CPAP: variants seen among roughly 807,000 people sequenced by gnomAD.
CPAP encodes centrosomal P4.1-associated protein.
At chr13:24,899,013 G>C in the CPAP span, among the ~76,000 whole-genome samples, 1 of 152,092 alleles carries the variant, frequency 6.6e-6, no homozygotes, top group Non-Finnish European at 1.5e-5. Flanking sequence ...CTGATAATCT[G>C]GCCTATCAGT....
At chr13:24,884,497 T>C in the CPAP span, 1 of 1,612,402 alleles carries the variant, frequency 6.2e-7, no homozygotes, top group East Asian at 2.2e-5. Context: ...CACCTAAGAT[T>C]TTCTCCTGAC....
chr13:24,904,464 T>C, the CPAP span, among the ~76,000 whole-genome samples: 1 of 152,236 alleles, frequency 6.6e-6, no homozygotes, highest in Non-Finnish European at 1.5e-5. Flanking sequence ...TTTCCCTTTA[T>C]CAAATTTGCT....
the CPAP span, among the ~76,000 whole-genome samples, chr13:24,931,306 C>CTTGTTTTTTTTTTTTT: frequency 1.4e-5 from 1 of 72,646 alleles, no homozygotes; most frequent in African/African-American, 6.6e-5. Context: ...TTTCATGTTT[C>CTTGTTTTTTTTTTTTT]TTTTTTTTTT....
At chr13:24,906,806 G>C in the CPAP span, 4 of 1,614,148 alleles carry the variant, frequency 2.5e-6, no homozygotes, top group Non-Finnish European at 2.5e-6. Flanking sequence ...TTTAAACAGC[G>C]GCTGGTCCTC....
the CPAP span, among the ~76,000 whole-genome samples, chr13:24,893,852 C>A: frequency 3.3e-5 from 5 of 152,192 alleles, no homozygotes; most frequent in Admixed American, 1.3e-4. Context: ...CTGTCACAGG[C>A]CCTTATTATA....
chr13:24,914,646 A>G, the CPAP span, among the ~76,000 whole-genome samples: 21 of 152,218 alleles, frequency 1.4e-4, no homozygotes, highest in African/African-American at 4.3e-4. Context: ...CCTTTTCTAG[A>G]CCATAAAAAG....
At chr13:24,884,369 G>GTGAC in the CPAP span, 1 of 1,614,148 alleles carries the variant, frequency 6.2e-7, no homozygotes, top group Admixed American at 1.7e-5. Flanking sequence ...ATTAAAGAAA[G>GTGAC]TGACAGTGAT....
chr13:24,898,973 T>C, the CPAP span, among the ~76,000 whole-genome samples: 1 of 152,274 alleles, frequency 6.6e-6, no homozygotes, highest in South Asian at 2.1e-4. Flanking sequence ...AGTTTTAGCA[T>C]GTCCACTTCT....
chr13:24,924,726 A>C, the CPAP span: 1 of 152,232 alleles, frequency 6.6e-6, no homozygotes, highest in African/African-American at 2.4e-5. Context: ...ACAATTCTTT[A>C]TGCCATCATA....
At chr13:24,914,460 C>T in the CPAP span, among the ~76,000 whole-genome samples, 3 of 152,146 alleles carry the variant, frequency 2.0e-5, no homozygotes, top group African/African-American at 7.2e-5. Context: ...AACATCCGAG[C>T]CCCAAAACAC....
At chr13:24,909,756 A>G in the CPAP span, 3 of 1,580,626 alleles carry the variant, frequency 1.9e-6, no homozygotes, top group Non-Finnish European at 2.6e-6. Context: ...TAGTAACACT[A>G]TAAGCACAGA....
chr13:24,912,149 C>T, the CPAP span: 503,571 of 1,319,034 alleles, frequency 0.38, 98,108 homozygotes, highest in Admixed American at 0.45. Flanking sequence ...TTCCTCCCAT[C>T]TCCCTCCTCC....
chr13:24,893,952 C>T, the CPAP span, among the ~76,000 whole-genome samples: 1 of 151,408 alleles, frequency 6.6e-6, no homozygotes. Flanking sequence ...GAGGGGGTGA[C>T]GGGAGAGTGG....
At chr13:24,920,069 G>C in the CPAP span, among the ~76,000 whole-genome samples, 1 of 152,180 alleles carries the variant, frequency 6.6e-6, no homozygotes, top group African/African-American at 2.4e-5. Context: ...ACTGCGCCCA[G>C]CCTAAAAATC....
At chr13:24,892,709 C>T in the CPAP span, 2 of 1,614,040 alleles carry the variant, frequency 1.2e-6, no homozygotes, top group East Asian at 2.2e-5. Flanking sequence ...TCCAGGCATC[C>T]AGTCGGAATC....
At chr13:24,897,165 C>T in the CPAP span, among the ~76,000 whole-genome samples, 1 of 152,292 alleles carries the variant, frequency 6.6e-6, no homozygotes, top group South Asian at 2.1e-4. Flanking sequence ...TCGCTTGAAT[C>T]TGGGAGACGG....
the CPAP span, among the ~76,000 whole-genome samples, chr13:24,886,986 A>G: frequency 2.6e-5 from 4 of 152,172 alleles, no homozygotes; most frequent in African/African-American, 9.7e-5. Flanking sequence ...GTGCAAGCAC[A>G]CTGTCTAGAG....
the CPAP span, among the ~76,000 whole-genome samples, chr13:24,887,813 A>G: frequency 2.6e-5 from 4 of 152,196 alleles, no homozygotes; most frequent in East Asian, 1.9e-4. Context: ...CTGCTAAGGT[A>G]TACTACCAAA....
the CPAP span, among the ~76,000 whole-genome samples, chr13:24,903,221 T>C: frequency 6.6e-6 from 1 of 151,732 alleles, no homozygotes; most frequent in Non-Finnish European, 1.5e-5. Context: ...GTAGGTGGAG[T>C]TGTGTCCTCT....
Sources: gnomAD v4.1 joint callset for allele counts (sites outside exome capture counted in the v4.1 genomes callset) on GRCh38, gnomAD v4.1.1 for gene constraint, MANE v1.5 for transcripts, NCBI Gene and HGNC (gene_info 2026-07-23, HGNC 2026-07-21) for gene names.